The following CCDC102B variants were observed in gnomAD, a reference collection of about 807,000 sequenced individuals.
The protein encoded by CCDC102B is coiled-coil domain-containing protein 102B.
In CCDC102B, 75 loss-of-function variants were observed where a neutral mutation model predicts 57.4. The observed-to-expected ratio is 1.31, with a 90% CI of 1.08 to 1.58. The LOEUF (loss-of-function observed/expected upper bound fraction) is 1.58. Ranked by LOEUF, CCDC102B falls within the 40% of genes most tolerant of loss-of-function variation. CCDC102B has a pLI of 0.00. For synonymous variants in CCDC102B, 206 were observed against 201.9 expected (o/e 1.02, Z -0.17); for missense variants, 636 against 582.6 (o/e 1.09, Z -0.94).
chr18:69,025,155 G>A (rs954116689), intron 7 of CCDC102B, among the ~76,000 whole-genome samples: 5 of 152,066 alleles, frequency 3.3e-5, no homozygotes, highest in African/African-American at 1.2e-4. Context: ...TTCTAATCGT[G>A]TGAACAGAGA....
intron 6 of CCDC102B, among the ~76,000 whole-genome samples, chr18:68,974,159 G>A (rs935423832): frequency 4.6e-5 from 7 of 152,014 alleles, no homozygotes; most frequent in Non-Finnish European, 8.8e-5. Context: ...CAGCAGTATT[G>A]GGAGCCTTAT....
chr18:68,768,056 AC>A (rs970059900), intron 2 of CCDC102B, among the ~76,000 whole-genome samples: 17 of 152,182 alleles, frequency 1.1e-4, no homozygotes, highest in African/African-American at 3.6e-4. Flanking sequence ...TGCAATTTAA[AC>A]TATCAGGCTA....
intron 2 of CCDC102B, among the ~76,000 whole-genome samples, chr18:68,748,237 T>G (rs939927757): frequency 1.2e-4 from 18 of 151,464 alleles, no homozygotes; most frequent in Non-Finnish European, 2.4e-4. Context: ...TGTGTGTGTG[T>G]GTGTGTGTGT....
At chr18:68,905,660 G>GT (rs1471476135) in intron 6 of CCDC102B, among the ~76,000 whole-genome samples, 1 of 151,796 alleles carries the variant, frequency 6.6e-6, no homozygotes, top group Non-Finnish European at 1.5e-5. Flanking sequence ...GCGTGATGCA[G>GT]TAACTCCTCA....
intron 2 of CCDC102B, among the ~76,000 whole-genome samples, chr18:68,717,349 A>T (rs188406571): frequency 4.6e-5 from 7 of 152,374 alleles, no homozygotes; most frequent in African/African-American, 1.7e-4. Context: ...GGGAGAAAGT[A>T]TAAAACTGTA....
chr18:68,941,809 AT>A (rs1024608487), intron 6 of CCDC102B, among the ~76,000 whole-genome samples: 10 of 152,152 alleles, frequency 6.6e-5, no homozygotes, highest in African/African-American at 2.2e-4. Flanking sequence ...TATAACAAAA[AT>A]AACAGTATTT....
chr18:68,871,779 T>G (rs1198492062), intron 4 of CCDC102B, among the ~76,000 whole-genome samples: 1 of 152,092 alleles, frequency 6.6e-6, no homozygotes, highest in Admixed American at 6.6e-5. Context: ...GGACTTTGAT[T>G]TATATAATAA....
At chr18:69,017,694 A>G (rs1379449221) in intron 7 of CCDC102B, among the ~76,000 whole-genome samples, 1 of 152,194 alleles carries the variant, frequency 6.6e-6, no homozygotes, top group Non-Finnish European at 1.5e-5. Context: ...AATTTATGGT[A>G]TACAACACAG....
At chr18:68,827,824 T>C (rs368646424) in intron 1 of CCDC102B, among the ~76,000 whole-genome samples, 1 of 151,720 alleles carries the variant, frequency 6.6e-6, no homozygotes, top group East Asian at 1.9e-4. Context: ...TTGCCATCTA[T>C]CACAAATAAA....
intron 7 of CCDC102B, among the ~76,000 whole-genome samples, chr18:69,012,481 T>C (rs2051544957): frequency 6.6e-6 from 1 of 152,182 alleles, no homozygotes; most frequent in Non-Finnish European, 1.5e-5. Context: ...TAACATTATT[T>C]GTTCCTCCAT....
Position 68,990,830 on chromosome 18 carries a change from CAG to C in CCDC102B, c.1264-20103_1264-20102del, listed in dbSNP as rs541265685. Among the ~76,000 whole-genome samples, 140 of 152,190 alleles carry C rather than the reference CAG, an allele frequency of 9.2e-4. 1 individual carries two copies. Among genetic ancestry groups the C allele is most frequent in the African/African-American group, 3.0e-3 (123 of 41,562 alleles). On this transcript the variant is annotated intron_variant, in intron 6 of 7. Coordinates refer to ENST00000360242, the MANE Select transcript of CCDC102B (RefSeq NM_024781.3). ...TTAGAACAGTTTTCTAGTTATGAAA[CAG>C]GGAAAATTTAAGAGCTGTTAATATA...
intron 5 of CCDC102B, among the ~76,000 whole-genome samples, chr18:68,890,471 C>T (rs569150242): frequency 4.5e-4 from 68 of 152,164 alleles, no homozygotes; most frequent in Non-Finnish European, 7.9e-4. Flanking sequence ...GTGGTCCACT[C>T]GGTTGGGCCT....
intron 7 of CCDC102B, among the ~76,000 whole-genome samples, chr18:69,047,219 A>C (rs2052589769): frequency 6.6e-6 from 1 of 152,166 alleles, no homozygotes; most frequent in African/African-American, 2.4e-5. Flanking sequence ...ATCATGATCA[A>C]GTAGGCTTTA....
intron 2 of CCDC102B, among the ~76,000 whole-genome samples, chr18:68,782,301 C>T (rs1029771146): frequency 4.6e-5 from 7 of 151,750 alleles, no homozygotes; most frequent in Non-Finnish European, 1.0e-4. Flanking sequence ...CCTCTTTGTC[C>T]TTGTTGTGTA....
At chr18:68,824,982 T>C (rs1332089785) in intron 1 of CCDC102B, among the ~76,000 whole-genome samples, 3 of 152,078 alleles carry the variant, frequency 2.0e-5, no homozygotes, top group Non-Finnish European at 4.4e-5. Context: ...AGGAAATAGG[T>C]TAATATATGT....
chr18:68,753,167 G>T (rs2033927265), intron 2 of CCDC102B: 1 of 152,024 alleles, frequency 6.6e-6, no homozygotes, highest in Non-Finnish European at 1.5e-5. Context: ...AAAGAATGGG[G>T]AATGCAAATA....
At chr18:68,731,291 T>A (rs907461773) in intron 2 of CCDC102B, among the ~76,000 whole-genome samples, 2 of 152,122 alleles carry the variant, frequency 1.3e-5, no homozygotes, top group East Asian at 3.9e-4. Context: ...TTTAATGTAT[T>A]TGAGTTAACC....
chr18:69,012,748 G>T (rs2145398347), intron 7 of CCDC102B, among the ~76,000 whole-genome samples: 1 of 152,172 alleles, frequency 6.6e-6, no homozygotes, highest in Non-Finnish European at 1.5e-5. Context: ...CTATGCCTTT[G>T]CTGACCCAAG....
upstream of CCDC102B, among the ~76,000 whole-genome samples, chr18:68,795,381 T>C (rs1341460135): frequency 6.6e-6 from 1 of 152,204 alleles, no homozygotes; most frequent in Non-Finnish European, 1.5e-5. Context: ...TTCAGAATTA[T>C]ATGTCTATTA....
Sources: allele counts gnomAD v4.1 joint callset (sites outside exome capture counted in the v4.1 genomes callset), GRCh38; gene constraint gnomAD v4.1.1; transcripts MANE v1.5; gene names NCBI Gene and HGNC (gene_info 2026-07-23, HGNC 2026-07-21).